PCDHGA5: variants seen among roughly 807,000 people sequenced by gnomAD.
PCDHGA5 encodes protocadherin gamma subfamily A, 5, also known as protocadherin gamma-A5.
In PCDHGA5, 36 loss-of-function variants were observed where a neutral mutation model predicts 56.7. The ratio of observed to expected loss-of-function variants is 0.64; its 90% CI spans 0.49 to 0.84. PCDHGA5 has a LOEUF of 0.84. Among genes scored for constraint, PCDHGA5 ranks in the 40% least tolerant of loss-of-function variants. The pLI is 0.00. For missense variants in PCDHGA5, 1,305 were observed against 1,201.5 expected, an observed-to-expected ratio of 1.09 and a Z score of -1.27; for synonymous variants, 563 against 520.2, an observed-to-expected ratio of 1.08 and a Z score of -1.12.
chr5:141,405,461 C>T, intron 1 of PCDHGA5: 1 of 1,220,756 alleles, frequency 8.2e-7, no homozygotes, highest in Non-Finnish European at 1.1e-6. Context: ...ACTCTGTTAC[C>T]CAGGCTGGAA....
rs770235234 is a variant in PCDHGA5 at position 141,422,145 on chromosome 5, G to T, written c.2421+55394G>T. On this transcript the variant is annotated intron_variant, in intron 1 of 3. Coordinates refer to ENST00000518069, the MANE Select transcript of PCDHGA5 (RefSeq NM_018918.3). Reference sequence around the variant, plus strand: ...AAACTGGAGAAGTTCAAGTACGGGGGTCTCTGGATTTTGAAAAATATAGAT... The same window carrying T: ...AAACTGGAGAAGTTCAAGTACGGGGTTCTCTGGATTTTGAAAAATATAGAT... The T allele has an allele frequency of 8.2e-6, 13 of 1,580,608 alleles. No individual in the cohort carries two copies. The African/African-American group carries it at 1.5e-4, about 18-fold the overall frequency.
intron 1 of PCDHGA5, among the ~76,000 whole-genome samples, chr5:141,492,206 G>T (rs1180294159): frequency 6.6e-6 from 1 of 152,204 alleles, no homozygotes; most frequent in African/African-American, 2.4e-5. Context: ...TTAGGTGTGC[G>T]CGCGGGGCTC....
chr5:141,383,043 C>T, intron 1 of PCDHGA5: 1 of 1,613,860 alleles, frequency 6.2e-7, no homozygotes, highest in Non-Finnish European at 8.5e-7. Flanking sequence ...TGGGAGACAT[C>T]GCCAAGGACC....
Position 141,489,454 on chromosome 5 carries a change from G to C in PCDHGA5, c.2422-5353G>C, listed in dbSNP as rs1177748773. 1 of 1,613,940 alleles carries C rather than the reference G, an allele frequency of 6.2e-7. No homozygotes were observed. The highest frequency in any genetic ancestry group is 1.3e-5 in the African/African-American group (1 of 74,906). On this transcript the variant is annotated intron_variant, in intron 1 of 3. Transcript: ENST00000518069. This position sits in a 1 kb window ranked among gnomAD's most constrained non-coding sequence, Gnocchi z 4.5. ...GCTGCAATTGGGCTCTGAGGAGAAT[G>C]GGCGCTATTTTTCCCTGAGCTTGAT...
chr5:141,504,705 T>C (rs960774850), intron 2 of PCDHGA5, among the ~76,000 whole-genome samples: 19 of 151,608 alleles, frequency 1.3e-4, no homozygotes, highest in Middle Eastern at 3.4e-3. Flanking sequence ...GGTTCTTCTA[T>C]GGCCGTGGAT....
At chr5:141,500,452 G>C (rs554196222) in intron 2 of PCDHGA5, among the ~76,000 whole-genome samples, 1 of 151,506 alleles carries the variant, frequency 6.6e-6, no homozygotes, top group South Asian at 2.1e-4. Context: ...CTCGTGATCC[G>C]CCCGCCTCGG....
At chr5:141,385,552 T>C in intron 1 of PCDHGA5, 2 of 1,315,868 alleles carry the variant, frequency 1.5e-6, no homozygotes, top group Non-Finnish European at 9.7e-7. Flanking sequence ...ACTATCACAT[T>C]TTATAATTTC....
At position 141,454,263 on chromosome 5, in the gene PCDHGA5, T is replaced by C. The variant is rs954231508; in HGVS notation, c.2422-40544T>C. Among the ~76,000 whole-genome samples, 42 of 152,140 alleles carry C rather than the reference T, an allele frequency of 2.8e-4. 1 individual carries two copies. Among genetic ancestry groups the C allele is most frequent in the South Asian group, 1.0e-3 (5 of 4,826 alleles). On this transcript the variant is annotated intron_variant, in intron 1 of 3. Coordinates refer to ENST00000518069, the MANE Select transcript of PCDHGA5 (RefSeq NM_018918.3). Reference sequence around the variant, plus strand: ...GATGAAGATGTCCCAGAGAAAGTAATGCCAGCAAAAACTTCACATTAAAGG... The same window carrying C: ...GATGAAGATGTCCCAGAGAAAGTAACGCCAGCAAAAACTTCACATTAAAGG...
intron 1 of PCDHGA5, among the ~76,000 whole-genome samples, chr5:141,488,969 CCAAT>C (rs1303368467): frequency 4.6e-5 from 7 of 152,106 alleles, no homozygotes; most frequent in Non-Finnish European, 7.4e-5. Context: ...GACTTTTTGG[CCAAT>C]CAGACTCAGA....
intron 1 of PCDHGA5, among the ~76,000 whole-genome samples, chr5:141,449,607 A>G (rs1279835785): frequency 1.3e-5 from 2 of 149,984 alleles, no homozygotes; most frequent in African/African-American, 4.9e-5. Flanking sequence ...AAAAAAAAAA[A>G]GTAAAAAAGT....
intron 2 of PCDHGA5, 80 bp downstream of exon 2, chr5:141,494,945 C>G (rs2099757788): frequency 6.2e-7 from 1 of 1,608,958 alleles, no homozygotes; most frequent in Non-Finnish European, 8.5e-7. Flanking sequence ...GGGGGAGGGC[C>G]CAGCATTTGC....
chr5:141,474,772 G>A (rs1053853138), intron 1 of PCDHGA5, among the ~76,000 whole-genome samples: 2 of 152,182 alleles, frequency 1.3e-5, no homozygotes, highest in Non-Finnish European at 2.9e-5. Flanking sequence ...AATAGTATGA[G>A]GCTCTAACAC....
At chr5:141,473,167 C>T (rs1360150717) in intron 1 of PCDHGA5, among the ~76,000 whole-genome samples, 2 of 152,122 alleles carry the variant, frequency 1.3e-5, no homozygotes. Flanking sequence ...TAGGAAGGCC[C>T]ACTGGTAACT....
intron 1 of PCDHGA5, chr5:141,408,253 A>G (rs749487100): frequency 3.4e-4 from 550 of 1,599,220 alleles, no homozygotes; most frequent in Non-Finnish European, 4.4e-4. Flanking sequence ...GGCAGGTGCT[A>G]TTTCCTTTGC....
intron 1 of PCDHGA5, chr5:141,409,866 G>A (rs1268327848): frequency 3.7e-6 from 6 of 1,612,258 alleles, no homozygotes; most frequent in East Asian, 4.5e-5. Context: ...GTGGGAGACC[G>A]CAATGACAAC....
intron 1 of PCDHGA5, chr5:141,414,885 C>T: frequency 6.2e-7 from 1 of 1,614,224 alleles, no homozygotes; most frequent in South Asian, 1.1e-5. Context: ...TGTACCCCGC[C>T]CTCCCCACAG....
chr5:141,487,068 T>C lies in PCDHGA5; in HGVS notation c.2422-7739T>C. ...TATGCTGGGGAGGTGCGGACGGCTG[T>C]TCCTATCCCAGCTGACCTCCCACCA... On this transcript the variant is annotated intron_variant, in intron 1 of 3. Transcript: ENST00000518069. The surrounding 1 kb of genome is among the most constrained non-coding windows in gnomAD (Gnocchi z 5.0). The C allele has an allele frequency of 6.2e-7, 1 of 1,614,166 alleles. No individual in the cohort carries two copies. The highest frequency in any genetic ancestry group is 8.5e-7 in the Non-Finnish European group (1 of 1,180,016).
chr5:141,414,792 C>T (rs2095788725), intron 1 of PCDHGA5: 6 of 1,614,230 alleles, frequency 3.7e-6, no homozygotes, highest in African/African-American at 2.7e-5. Flanking sequence ...TGACAGCCAG[C>T]GACAGCGGGG....
intron 1 of PCDHGA5, among the ~76,000 whole-genome samples, chr5:141,494,177 TG>T (rs2099752471): frequency 6.6e-6 from 1 of 152,176 alleles, no homozygotes; most frequent in Non-Finnish European, 1.5e-5. Flanking sequence ...GGGTGAGAAG[TG>T]TCCCGGGACT....
Sources: allele counts gnomAD v4.1 joint callset (sites outside exome capture counted in the v4.1 genomes callset), GRCh38; gene constraint gnomAD v4.1.1; non-coding constraint Gnocchi (gnomAD v3.1); transcripts MANE v1.5; gene names NCBI Gene and HGNC (gene_info 2026-07-23, HGNC 2026-07-21).